Variants in DNHD1 observed in about 807,000 individuals in gnomAD.
DNHD1 encodes the protein dynein heavy chain domain-containing protein 1.
A neutral mutation model predicts 458.1 loss-of-function variants in DNHD1; 383 were observed. The ratio of observed to expected loss-of-function variants is 0.84; its 90% CI spans 0.77 to 0.91. The LOEUF is 0.91. Among genes scored for constraint, DNHD1 ranks in the 40% least tolerant of loss-of-function variants. DNHD1 has a pLI of 0.00. For missense variants in DNHD1, 5,336 were observed against 5,866.1 expected (o/e 0.91, Z 2.95); for synonymous variants, 2,203 against 2,376.9 (o/e 0.93, Z 2.13).
At chr11:6,533,657 G>T in intron 13 of DNHD1, 24 bp from the exon 14 acceptor site, 1 of 1,527,734 alleles carries the variant, frequency 6.5e-7, no homozygotes. Context: ...TGGGGCTGCC[G>T]GTCTCATGCT....
Position 6,556,676 on chromosome 11 carries a change from C to G in DNHD1, c.7388-7C>G. 2 of 1,536,288 alleles carry G rather than the reference C, an allele frequency of 1.3e-6. No homozygotes were observed. The highest frequency in any genetic ancestry group is 2.7e-5 in the African/African-American group (2 of 72,866). ...ATGTCCTCATTATTATTCCTCATGT[C>G]CCATAGACCCAGAGAAGAGCTGCCA... is the stretch of plus-strand genomic sequence containing the variant. On this transcript the variant is annotated splice_region_variant and splice_polypyrimidine_tract_variant and intron_variant, in intron 24 of 42. Coordinates refer to ENST00000254579, the MANE Select transcript of DNHD1 (RefSeq NM_144666.3).
At position 6,564,020 on chromosome 11, in the gene DNHD1, T is replaced by A; in HGVS notation, c.10180T>A (p.Cys3394Ser). The A allele has an allele frequency of 6.4e-7, 1 of 1,551,730 alleles. No individual in the cohort carries two copies. Among genetic ancestry groups the A allele is most frequent in the Non-Finnish European group, 8.7e-7 (1 of 1,147,004 alleles). Residue 3394 changes from cysteine to serine, a missense_variant, in exon 31 of 43, where the codon TGC (cysteine) becomes AGC (serine). Around this residue, in one of 4 missense-constraint regions of DNHD1, gnomAD observed 3,932 missense variants for 4,365.6 expected, o/e 0.90. Coordinates refer to ENST00000254579, the MANE Select transcript of DNHD1 (RefSeq NM_144666.3). ...GGAGGATGCCCAAGCTTCCCACAAC[T>A]GCGTGGCAAAGACCCTCAGTCAAGC... ...MVEDAQASHNCVAKTLSQAQC... is the reference protein window; with the variant it reads ...MVEDAQASHNSVAKTLSQAQC...
intron 4 of DNHD1, chr11:6,503,572 C>G (rs1437911830): frequency 6.6e-6 from 1 of 152,270 alleles, no homozygotes; most frequent in African/African-American, 2.4e-5. Context: ...CAGTCTCAAT[C>G]TCTCTGGCTC....
intron 10 of DNHD1, among the ~76,000 whole-genome samples, chr11:6,522,991 C>A (rs760546425): frequency 6.6e-6 from 1 of 152,178 alleles, no homozygotes; most frequent in Admixed American, 6.6e-5. Flanking sequence ...GATGTCCTTA[C>A]AATTTTATCG....
intron 24 of DNHD1, among the ~76,000 whole-genome samples, chr11:6,551,423 T>C (rs966842103): frequency 6.6e-6 from 1 of 152,142 alleles, no homozygotes; most frequent in African/African-American, 2.4e-5. Context: ...GAGCAAGTTA[T>C]ACCCAAAGCA....
chr11:6,516,451 C>T (rs1852471492), intron 7 of DNHD1, among the ~76,000 whole-genome samples: 1 of 151,812 alleles, frequency 6.6e-6, no homozygotes, highest in African/African-American at 2.4e-5. Context: ...GTGCCCACCA[C>T]CACGCCTGGC....
At chr11:6,512,962 T>C (rs2555145) in intron 7 of DNHD1, among the ~76,000 whole-genome samples, 87,676 of 151,884 alleles carry the variant, frequency 0.58, 26,399 homozygotes, top group African/African-American at 0.73. Context: ...AGTCTCTCTT[T>C]AGGAGGTTTA....
chr11:6,538,261 C>A lies in DNHD1; in HGVS notation c.2999-122C>A, dbSNP rs574462559. 9 of 757,788 alleles carry A rather than the reference C, an allele frequency of 1.2e-5. No individual in the cohort carries two copies. In the South Asian group the frequency reaches 1.2e-4, roughly 10 times the overall value. The allele number at this position is 757,788 out of a possible 1,614,324, so 46.9% of individuals were successfully genotyped here. On this transcript the variant is annotated intron_variant, in intron 14 of 42. Transcript: ENST00000254579. ...AAACAATTTGGAACTCCACCTCCCC[C>A]ACCCCCAACCATCACTTTCTGGACC...
chr11:6,533,041 A>G lies in DNHD1; in HGVS notation c.2362A>G (p.Ser788Gly). 1 of 1,551,642 alleles carries G rather than the reference A, an allele frequency of 6.4e-7. No homozygotes were observed. The highest frequency in any genetic ancestry group is 8.7e-7 in the Non-Finnish European group (1 of 1,146,986). The change falls in exon 13 of 43, where the codon AGC (serine) becomes GGC (glycine). Residue 788 changes from serine to glycine, a missense_variant. By Grantham distance (56) the Ser-to-Gly change is moderately conservative. Around this residue, in one of 4 missense-constraint regions of DNHD1, gnomAD observed 3,932 missense variants for 4,365.6 expected, o/e 0.90. Coordinates refer to ENST00000254579, the MANE Select transcript of DNHD1 (RefSeq NM_144666.3). ...VQAEMESKLN[S>G]IRKDILAHVQ... ...CCTGTCTCCAGAATCCAAGCTGAAC[A>G]GCATAAGGAAGGACATTCTTGCACA...
chr11:6,518,355 C>G (rs1852534632), intron 7 of DNHD1, among the ~76,000 whole-genome samples: 1 of 152,202 alleles, frequency 6.6e-6, no homozygotes, highest in African/African-American at 2.4e-5. Context: ...AGCCACTGTG[C>G]CCATCCTAAA....
At chr11:6,543,991 AG>A in intron 18 of DNHD1, 129 bp from the exon 19 acceptor site, 1 of 757,016 alleles carries the variant, frequency 1.3e-6, no homozygotes, top group Non-Finnish European at 2.0e-6. Context: ...AAAAAGGGAA[AG>A]AAAAAGACAG....
chr11:6,517,093 T>A (rs897055240), intron 7 of DNHD1, among the ~76,000 whole-genome samples: 1 of 152,206 alleles, frequency 6.6e-6, no homozygotes, highest in Non-Finnish European at 1.5e-5. Flanking sequence ...TCAGTCCTCA[T>A]AGGTGGCACC....
At chr11:6,509,389 T>A in intron 6 of DNHD1, 117 bp downstream of exon 6, 2 of 841,464 alleles carry the variant, frequency 2.4e-6, no homozygotes, top group Non-Finnish European at 3.6e-6. Flanking sequence ...AAAAAACCTT[T>A]AATCCTACCA....
At position 6,538,666 on chromosome 11, in the gene DNHD1, C is replaced by T. The variant is rs941167570; in HGVS notation, c.3181C>T (p.Arg1061Trp). Reference protein sequence around the residue: ...KTEGWLTEAARMSTTLELHSP... With the variant: ...KTEGWLTEAAWMSTTLELHSP... ...AGAGGGCTGGCTGACAGAGGCAGCA[C>T]GGATGAGCACAACCCTGGAGCTGCA... Residue 1061 changes from arginine (R) to tryptophan (W), a missense_variant, in exon 16 of 43, where the codon CGG becomes TGG. Around this residue, in one of 4 missense-constraint regions of DNHD1, gnomAD observed 3,932 missense variants for 4,365.6 expected, o/e 0.90. Coordinates refer to ENST00000254579, the MANE Select transcript of DNHD1 (RefSeq NM_144666.3). The T allele has an allele frequency of 1.7e-5, 26 of 1,548,008 alleles. No individual in the cohort carries two copies. Among genetic ancestry groups the T allele is most frequent in the African/African-American group, 4.1e-5 (3 of 72,988 alleles).
Position 6,539,216 on chromosome 11 carries a change from C to T in DNHD1, c.3326-3C>T. Reference sequence around the variant, plus strand: ...TGCTCTGACTTGTTTTCTCTACCTCCAGCCCTTGGGCTGGGCAGTCTCCAA... The same window carrying T: ...TGCTCTGACTTGTTTTCTCTACCTCTAGCCCTTGGGCTGGGCAGTCTCCAA... On this transcript the variant is annotated splice_region_variant and splice_polypyrimidine_tract_variant and intron_variant, in intron 16 of 42. Coordinates refer to ENST00000254579, the MANE Select transcript of DNHD1 (RefSeq NM_144666.3). 6.5e-7 allele frequency: 1 copy of T among 1,547,840 alleles called. No homozygotes were observed. Among genetic ancestry groups the T allele is most frequent in the Non-Finnish European group, 8.7e-7 (1 of 1,143,522 alleles).
intron 24 of DNHD1, among the ~76,000 whole-genome samples, chr11:6,551,162 T>C (rs1853335496): frequency 6.6e-6 from 1 of 152,178 alleles, no homozygotes; most frequent in African/African-American, 2.4e-5. Context: ...TATCTGACCA[T>C]AACAATACAA....
intron 24 of DNHD1, among the ~76,000 whole-genome samples, chr11:6,554,418 G>T (rs116619095): frequency 0.018 from 2,673 of 152,178 alleles, 91 homozygotes; most frequent in African/African-American, 0.062. Context: ...GTTGGGCAAT[G>T]ATTTCTTGGG....
chr11:6,564,000 A>G lies in DNHD1; in HGVS notation c.10160A>G (p.Asp3387Gly). ...HNLALAKMVEDAQASHNCVAK... is the reference protein window; with the variant it reads ...HNLALAKMVEGAQASHNCVAK... ...TTGGCCCTGGCTAAGATGGTGGAGG[A>G]TGCCCAAGCTTCCCACAACTGCGTG... Residue 3387 changes from aspartate to glycine, a missense_variant, in exon 31 of 43, where the codon GAT becomes GGT. Around this residue, in one of 4 missense-constraint regions of DNHD1, gnomAD observed 3,932 missense variants for 4,365.6 expected, o/e 0.90. Transcript: ENST00000254579. The G allele has an allele frequency of 6.4e-7, 1 of 1,551,716 alleles. No homozygotes were observed. The highest frequency in any genetic ancestry group is 1.2e-5 in the South Asian group (1 of 84,068).
rs1289607289 is a variant in DNHD1 at position 6,563,500 on chromosome 11, T to C, written c.9788T>C (p.Leu3263Ser). The change falls in exon 30 of 43, where the codon TTG becomes TCG. Residue 3263 changes from leucine to serine, a missense_variant. Physicochemically the swap from Leu to Ser is moderately radical, Grantham distance 145. This residue lies in a region of DNHD1 where 3,932 missense variants were observed against 4,365.6 expected (regional missense o/e 0.90). Coordinates refer to ENST00000254579, the MANE Select transcript of DNHD1 (RefSeq NM_144666.3). ...VVRVTDAMCD[L>S]FHHETGWASA... ...CGGGTAACTGATGCAATGTGTGACT[T>C]GTTCCACCATGAAACAGGCTGGGCC... is the stretch of plus-strand genomic sequence containing the variant. The C allele has an allele frequency of 1.3e-6, 2 of 1,551,706 alleles. No individual in the cohort carries two copies. The highest frequency in any genetic ancestry group is 1.2e-5 in the South Asian group (1 of 84,066).
Sources: gnomAD v4.1 joint callset for allele counts (sites outside exome capture counted in the v4.1 genomes callset) on GRCh38, gnomAD v4.1.1 for gene constraint, gnomAD v4.1.1 regional missense constraint, MANE v1.5 for transcripts, NCBI Gene and HGNC (gene_info 2026-07-23, HGNC 2026-07-21) for gene names.